Variants in MICU1 observed in about 807,000 individuals in gnomAD.
MICU1 encodes the protein calcium uptake protein 1, mitochondrial.
MICU1 carries 45 observed loss-of-function variants against 56.8 expected under a neutral mutation model. The observed-to-expected ratio is 0.79, with a 90% CI of 0.62 to 1.02. MICU1 has a LOEUF of 1.02. Among genes scored for constraint, MICU1 ranks in the 50% least tolerant of loss-of-function variants. The probability of loss-of-function intolerance (pLI) is 0.00; values close to 1 mark genes in which losing one functional copy is unlikely to be tolerated. For synonymous variants in MICU1, 186 were observed against 195.1 expected (o/e 0.95, Z 0.39); for missense variants, 504 against 587.1 (o/e 0.86, Z 1.46).
intron 8 of MICU1, among the ~76,000 whole-genome samples, chr10:72,434,056 C>CT (rs974523853): frequency 7.2e-4 from 104 of 145,208 alleles, no homozygotes; most frequent in East Asian, 9.9e-4. Flanking sequence ...GTTCACTTAA[C>CT]TTTTTTTTTT....
At chr10:72,463,227 C>T (rs1865692063) in intron 8 of MICU1, among the ~76,000 whole-genome samples, 1 of 152,098 alleles carries the variant, frequency 6.6e-6, no homozygotes, top group Non-Finnish European at 1.5e-5. Flanking sequence ...CCACACCTGG[C>T]TAATTTTGTA....
intron 8 of MICU1, among the ~76,000 whole-genome samples, chr10:72,425,744 T>C (rs1215275312): frequency 6.6e-6 from 1 of 152,176 alleles, no homozygotes; most frequent in Non-Finnish European, 1.5e-5. Flanking sequence ...GTCTTAAACA[T>C]GGCTGGAGGG....
intron 1 of MICU1, among the ~76,000 whole-genome samples, chr10:72,591,711 T>G (rs1031189861): frequency 6.6e-6 from 1 of 152,078 alleles, no homozygotes; most frequent in Non-Finnish European, 1.5e-5. Context: ...ATTAGTAGAT[T>G]AAATCAGTAG....
intron 5 of MICU1, among the ~76,000 whole-genome samples, chr10:72,515,071 C>A (rs909719382): frequency 1.3e-5 from 2 of 152,168 alleles, no homozygotes; most frequent in Non-Finnish European, 2.9e-5. Flanking sequence ...CAGGTTGATG[C>A]CCACATCCAG....
At chr10:72,440,084 A>G (rs867369635) in intron 8 of MICU1, among the ~76,000 whole-genome samples, 1 of 152,238 alleles carries the variant, frequency 6.6e-6, no homozygotes, top group Non-Finnish European at 1.5e-5. Flanking sequence ...AAGAGCCTGC[A>G]TAGCCGAGAC....
chr10:72,584,730 TG>T (rs971378756), intron 1 of MICU1, among the ~76,000 whole-genome samples: 1 of 152,114 alleles, frequency 6.6e-6, no homozygotes, highest in Non-Finnish European at 1.5e-5. Flanking sequence ...TTTGAAGCGC[TG>T]GGGTTTCACT....
Position 72,401,244 on chromosome 10 carries a change from G to T in MICU1, c.1180+6685C>A, listed in dbSNP as rs76134351. On this transcript the variant is annotated intron_variant, in intron 10 of 11. Transcript: ENST00000361114. ...GGAATGATCTTGTATTTTTTTCCTGGCTTTACTGAGGTGTAATTGACAAAT... is the reference window on the plus strand; with the variant it reads ...GGAATGATCTTGTATTTTTTTCCTGTCTTTACTGAGGTGTAATTGACAAAT... 7.4e-3 allele frequency among the ~76,000 whole-genome samples: 1,130 copies of T among 152,240 alleles called. 16 individuals are homozygous for T. Among genetic ancestry groups the T allele is most frequent in the African/African-American group, 0.026 (1,071 of 41,542 alleles).
intron 10 of MICU1, among the ~76,000 whole-genome samples, chr10:72,403,939 G>A (rs1052384648): frequency 6.6e-6 from 1 of 151,734 alleles, no homozygotes; most frequent in African/African-American, 2.4e-5. Flanking sequence ...ACAGGCGTGA[G>A]CCACCACGCC....
At chr10:72,523,856 T>A (rs1395585723) in intron 5 of MICU1, 4 of 1,525,962 alleles carry the variant, frequency 2.6e-6, no homozygotes, top group Non-Finnish European at 3.5e-6. Context: ...TATATTCTTT[T>A]CATGGTTTTC....
At position 72,614,114 on chromosome 10, in the gene MICU1, G is replaced by A. The variant is rs545771271; in HGVS notation, c.-2+11896C>T. On this transcript the variant is annotated intron_variant, in intron 1 of 11. Coordinates refer to ENST00000361114, the MANE Select transcript of MICU1 (RefSeq NM_001195518.2). ...GCTGAGATTACACCATTGCACTCCA[G>A]CCTGGGCAACAAGAACAAAACTCCA... Among the ~76,000 whole-genome samples, 11 of 152,194 alleles carry A rather than the reference G, an allele frequency of 7.2e-5. 1 individual carries two copies. The South Asian group carries it at 2.3e-3, about 32-fold the overall frequency.
intron 3 of MICU1, among the ~76,000 whole-genome samples, chr10:72,552,820 C>G (rs113573321): frequency 1.3e-5 from 2 of 152,296 alleles, no homozygotes; most frequent in African/African-American, 2.4e-5. Flanking sequence ...TCCCAAAGTG[C>G]TGGGATTACA....
intron 6 of MICU1, among the ~76,000 whole-genome samples, chr10:72,494,815 C>CT (rs1866782028): frequency 6.7e-6 from 1 of 150,364 alleles, no homozygotes; most frequent in South Asian, 2.1e-4. Context: ...TACATTTTTT[C>CT]CAAAAAATAC....
At chr10:72,468,474 C>CA (rs1865860753) in intron 8 of MICU1, among the ~76,000 whole-genome samples, 1 of 151,950 alleles carries the variant, frequency 6.6e-6, no homozygotes, top group South Asian at 2.1e-4. Context: ...CACCTATCTC[C>CA]AAGGAACTCA....
At chr10:72,532,462 G>A (rs1293153322) in intron 5 of MICU1, among the ~76,000 whole-genome samples, 1 of 152,146 alleles carries the variant, frequency 6.6e-6, no homozygotes, top group Non-Finnish European at 1.5e-5. Flanking sequence ...CCTCCTGTGT[G>A]CCAGGCCCAT....
At chr10:72,600,781 G>C (rs904810571) in intron 1 of MICU1, among the ~76,000 whole-genome samples, 1 of 152,022 alleles carries the variant, frequency 6.6e-6, no homozygotes, top group African/African-American at 2.4e-5. Flanking sequence ...GTGAGTAGAA[G>C]ACATAAACAG....
At chr10:72,396,277 G>A (rs533626176) in intron 10 of MICU1, among the ~76,000 whole-genome samples, 74 of 152,312 alleles carry the variant, frequency 4.9e-4, no homozygotes, top group African/African-American at 1.8e-3. Flanking sequence ...AACCCCAGCT[G>A]TAGGTCACCA....
intron 10 of MICU1, among the ~76,000 whole-genome samples, chr10:72,393,355 T>G (rs2132071550): frequency 6.6e-6 from 1 of 152,294 alleles, no homozygotes; most frequent in East Asian, 1.9e-4. Flanking sequence ...TACTTTAGAA[T>G]GAAAAGGTCT....
intron 6 of MICU1, among the ~76,000 whole-genome samples, chr10:72,485,243 G>A (rs1014148975): frequency 3.7e-4 from 54 of 144,144 alleles, no homozygotes; most frequent in Non-Finnish European, 7.0e-4. Flanking sequence ...GTTTTGTTTT[G>A]TTTTGTTTTG....
At chr10:72,618,722 T>G (rs1842037213) in intron 1 of MICU1, among the ~76,000 whole-genome samples, 2 of 152,212 alleles carry the variant, frequency 1.3e-5, no homozygotes, top group South Asian at 4.1e-4. Flanking sequence ...TAATGTTCTA[T>G]CACAGCTCTT....
Sources: gnomAD v4.1 joint callset for allele counts (sites outside exome capture counted in the v4.1 genomes callset) on GRCh38, gnomAD v4.1.1 for gene constraint, MANE v1.5 for transcripts, NCBI Gene and HGNC (gene_info 2026-07-23, HGNC 2026-07-21) for gene names.